WWOX: variants seen among roughly 807,000 people sequenced by gnomAD.
WWOX encodes the protein WW domain-containing oxidoreductase.
In WWOX, 69 loss-of-function variants were observed where a neutral mutation model predicts 46.2. That is an observed-to-expected ratio of 1.49 (90% confidence interval 1.23 to 1.82). The LOEUF is 1.82. Ranked by LOEUF, WWOX falls within the 40% of genes most tolerant of loss-of-function variation. The pLI, the probability that WWOX is intolerant of heterozygous loss-of-function variation, is 0.00. For missense variants in WWOX, 919 were observed against 542.6 expected (o/e 1.69, Z -6.89); for synonymous variants, 359 against 202.6 (o/e 1.77, Z -6.56).
chr16:78,409,296 C>T (rs1218486003), intron 6 of WWOX, among the ~76,000 whole-genome samples: 1 of 152,124 alleles, frequency 6.6e-6, no homozygotes, highest in African/African-American at 2.4e-5. Context: ...AGTCATAGAG[C>T]TGCCATCATC....
chr16:78,485,356 G>A lies in WWOX; in HGVS notation c.1056+52604G>A, dbSNP rs550953746. ...CTCTGTGTTGGGCCTGCCCAGTGAG[G>A]TCCTTTTGACTCCCTAAGGAACCCT... On this transcript the variant is annotated intron_variant, in intron 8 of 8. Transcript: ENST00000566780. Among the ~76,000 whole-genome samples, 5 of 152,112 alleles carry A rather than the reference G, an allele frequency of 3.3e-5. No individual in the cohort carries two copies. In the South Asian group the frequency reaches 1.0e-3, roughly 32 times the overall value.
At chr16:78,914,819 C>A (rs565545691) in intron 8 of WWOX, among the ~76,000 whole-genome samples, 50 of 142,458 alleles carry the variant, frequency 3.5e-4, no homozygotes, top group African/African-American at 1.3e-3. Flanking sequence ...GCGGAGCTTG[C>A]AGTGAGCCAG....
intron 8 of WWOX, among the ~76,000 whole-genome samples, chr16:79,102,989 T>A (rs2049232928): frequency 6.6e-6 from 1 of 152,052 alleles, no homozygotes; most frequent in African/African-American, 2.4e-5. Context: ...CTCCTCCTCT[T>A]CTCCTTTCTC....
chr16:79,089,598 G>T (rs751832828), intron 8 of WWOX, among the ~76,000 whole-genome samples: 1 of 152,134 alleles, frequency 6.6e-6, no homozygotes, highest in African/African-American at 2.4e-5. Context: ...CCAACGTGCT[G>T]GGATTACAGG....
At chr16:78,924,259 A>T (rs923097197) in intron 8 of WWOX, among the ~76,000 whole-genome samples, 1 of 152,168 alleles carries the variant, frequency 6.6e-6, no homozygotes, top group Non-Finnish European at 1.5e-5. Flanking sequence ...AGAACTTTAT[A>T]ATGTGGTTAG....
chr16:79,144,663 G>A (rs561470849), intron 8 of WWOX, among the ~76,000 whole-genome samples: 11 of 151,972 alleles, frequency 7.2e-5, no homozygotes, highest in South Asian at 6.2e-4. Flanking sequence ...TATTAAGTTC[G>A]TTCATATCTC....
chr16:78,414,120 C>T lies in WWOX; in HGVS notation c.606-10750C>T, dbSNP rs149578297. On this transcript the variant is annotated intron_variant, in intron 6 of 8. Coordinates refer to ENST00000566780, the MANE Select transcript of WWOX (RefSeq NM_016373.4). ...CAGTGAGTCTCAGGAGCTCCCCCACCGAGCACCTTGTGACCCCCGCCCCTG... is the reference window on the plus strand; with the variant it reads ...CAGTGAGTCTCAGGAGCTCCCCCACTGAGCACCTTGTGACCCCCGCCCCTG... Among the ~76,000 whole-genome samples the T allele has an allele frequency of 6.6e-5, 10 of 152,022 alleles. No homozygotes were observed. In the East Asian group the frequency reaches 1.6e-3, roughly 24 times the overall value.
intron 5 of WWOX, among the ~76,000 whole-genome samples, chr16:78,239,066 C>T (rs1402264100): frequency 2.6e-5 from 4 of 152,180 alleles, no homozygotes; most frequent in African/African-American, 7.2e-5. Flanking sequence ...CCTGGCCACG[C>T]ATCCCCCGTG....
intron 5 of WWOX, among the ~76,000 whole-genome samples, chr16:78,178,173 A>AGTGGC (rs879421372): frequency 6.6e-6 from 1 of 152,224 alleles, no homozygotes; most frequent in Non-Finnish European, 1.5e-5. Flanking sequence ...GCCACATGCA[A>AGTGGC]GTGGCCTGGC....
At chr16:78,238,086 A>T (rs568786366) in intron 5 of WWOX, 1 of 152,200 alleles carries the variant, frequency 6.6e-6, no homozygotes, top group Admixed American at 6.5e-5. Context: ...TCCACACCTT[A>T]CCTCCTGGGG....
At chr16:78,148,711 C>T (rs936710723) in intron 4 of WWOX, among the ~76,000 whole-genome samples, 1 of 151,762 alleles carries the variant, frequency 6.6e-6, no homozygotes, top group South Asian at 2.1e-4. Flanking sequence ...TCCTGGCTAA[C>T]ACGGTGAAAC....
At chr16:78,539,624 C>T (rs1282251020) in intron 8 of WWOX, among the ~76,000 whole-genome samples, 2 of 152,210 alleles carry the variant, frequency 1.3e-5, no homozygotes, top group Non-Finnish European at 1.5e-5. Flanking sequence ...CACGTGTGGA[C>T]AGATTGGCAC....
intron 8 of WWOX, among the ~76,000 whole-genome samples, chr16:78,768,762 C>T (rs1307554527): frequency 1.3e-5 from 2 of 152,042 alleles, no homozygotes; most frequent in African/African-American, 4.8e-5. Context: ...ATGCTCATTT[C>T]ACAGCTTGCT....
chr16:78,520,652 T>G (rs1293430388), intron 8 of WWOX, among the ~76,000 whole-genome samples: 1 of 152,064 alleles, frequency 6.6e-6, no homozygotes, highest in African/African-American at 2.4e-5. Context: ...AGGACGGCCC[T>G]GGCTGATTAA....
chr16:79,038,913 T>C (rs1040931943), intron 8 of WWOX, among the ~76,000 whole-genome samples: 3 of 152,230 alleles, frequency 2.0e-5, no homozygotes, highest in Admixed American at 1.3e-4. Context: ...ACATAGAGGA[T>C]AACTTACAAA....
Position 78,163,376 on chromosome 16 carries a change from T to C in WWOX, c.410-807T>C, listed in dbSNP as rs564788216. On this transcript the variant is annotated intron_variant, in intron 4 of 8. Coordinates refer to ENST00000566780, the MANE Select transcript of WWOX (RefSeq NM_016373.4). ...GTTATTACAGCGAGGGTATAACTCT[T>C]TAGGATCCCGACCCAAGGTTTGGTG... Among the ~76,000 whole-genome samples, 10 of 152,304 alleles carry C rather than the reference T, an allele frequency of 6.6e-5. 1 individual carries two copies. Among genetic ancestry groups the C allele is most frequent in the African/African-American group, 2.4e-4 (10 of 41,562 alleles).
At chr16:78,911,420 G>C (rs1415732281) in intron 8 of WWOX, among the ~76,000 whole-genome samples, 2 of 152,034 alleles carry the variant, frequency 1.3e-5, no homozygotes, top group African/African-American at 2.4e-5. Flanking sequence ...GGGTTGACCA[G>C]ATCCTGACTT....
chr16:78,842,257 G>A (rs867470181), intron 8 of WWOX, among the ~76,000 whole-genome samples: 3 of 151,668 alleles, frequency 2.0e-5, no homozygotes, highest in Non-Finnish European at 2.9e-5. Flanking sequence ...CCTTTTAGAA[G>A]CTGAGGCAGG....
chr16:79,060,373 A>G (rs1008049015), intron 8 of WWOX, among the ~76,000 whole-genome samples: 1 of 152,192 alleles, frequency 6.6e-6, no homozygotes, highest in Admixed American at 6.5e-5. Context: ...ACTGGCCGTT[A>G]ATTGGTAAGG....
Sources: allele counts gnomAD v4.1 joint callset (sites outside exome capture counted in the v4.1 genomes callset), GRCh38; gene constraint gnomAD v4.1.1; transcripts MANE v1.5; gene names NCBI Gene and HGNC (gene_info 2026-07-23, HGNC 2026-07-21).